The following CCR3 variants were observed in gnomAD, a reference collection of about 807,000 sequenced individuals.
The protein encoded by CCR3 is C-C chemokine receptor type 3.
For missense variants in CCR3, 419 were observed against 437.5 expected (o/e 0.96, Z 0.38); for synonymous variants, 203 against 179.2 (o/e 1.13, Z -1.06).
intron 1 of CCR3, among the ~76,000 whole-genome samples, chr3:46,257,918 A>C (rs1700458679): frequency 6.6e-6 from 1 of 152,200 alleles, no homozygotes; most frequent in South Asian, 2.1e-4. Context: ...GGAGGTGGGT[A>C]GTTGTATAGT....
rs904906727 is a variant in CCR3, at chr3:46,236,366, G to GT, written c.-67-6035dup. Among the ~76,000 whole-genome samples the GT allele has an allele frequency of 4.6e-5, 7 of 152,232 alleles. No individual in the cohort carries two copies. In the South Asian group the frequency reaches 8.3e-4, roughly 18 times the overall value. ...GCTGCTGAGAGCTGCCCTCACCATG[G>GT]TGGTGCATGTGCAAGGCCACATGGG... On this transcript the variant is annotated intron_variant, in intron 2 of 3. Transcript: ENST00000357422.
At chr3:46,221,679 G>T (rs981729183) in intron 2 of CCR3, among the ~76,000 whole-genome samples, 2 of 151,078 alleles carry the variant, frequency 1.3e-5, no homozygotes, top group Non-Finnish European at 3.0e-5. Flanking sequence ...GTTATTCTGC[G>T]GGGTGGGCTA....
In CCR3 at chr3:46,265,950, T is replaced by C; in HGVS notation, c.792T>C (p.Tyr264=). 1 of 1,614,136 alleles carries C rather than the reference T, an allele frequency of 6.2e-7. No homozygotes were observed. The highest frequency in any genetic ancestry group is 8.5e-7 in the Non-Finnish European group (1 of 1,180,012). Residue 264 remains tyrosine (Y), a synonymous_variant, in exon 2 of 2, where the codon TAT becomes TAC. Transcript: ENST00000395940. ...ATGTGGCTATCCTTCTCTCTTCCTATCAATCCATCTTATTTGGAAATGACT... is the reference window on the plus strand; with the variant it reads ...ATGTGGCTATCCTTCTCTCTTCCTACCAATCCATCTTATTTGGAAATGACT... ...PYNVAILLSS[Y]QSILFGNDCE... is the part of the protein sequence containing the mutation.
chr3:46,258,423 T>C (rs575361746), intron 1 of CCR3, among the ~76,000 whole-genome samples: 1 of 152,352 alleles, frequency 6.6e-6, no homozygotes, highest in East Asian at 1.9e-4. Flanking sequence ...TTTAGGATTG[T>C]GATTTTGATC....
Position 46,266,292 on chromosome 3 carries a change from C to A in CCR3, c.*66C>A. The A allele has an allele frequency of 1.0e-6, 1 of 977,738 alleles. No homozygotes were observed. The highest frequency in any genetic ancestry group is 1.6e-6 in the Non-Finnish European group (1 of 641,376). 60.6% of individuals were successfully genotyped at this position (977,738 alleles called of 1,614,324 possible). On this transcript the variant is annotated 3_prime_UTR_variant, in exon 2 of 2. Transcript: ENST00000395940. ...GATGAAGCAAACACATTAAGCCTTC[C>A]ACACTCACCTCTAAAACAGTCCTTC...
At chr3:46,212,225 C>T (rs1215146650) in intron 2 of CCR3, among the ~76,000 whole-genome samples, 5 of 152,174 alleles carry the variant, frequency 3.3e-5, no homozygotes, top group Admixed American at 6.5e-5. Context: ...CTTTTAGGTT[C>T]GGTGGCTACA....
rs774123033 is a variant in CCR3, at chr3:46,265,859, A to G, written c.701A>G (p.Lys234Arg). ...KTLLRCPSKK[K>R]YKAIRLIFVI... ...CTGCTGAGGTGCCCCAGTAAAAAAA[A>G]GTACAAGGCCATCCGGCTCATTTTT... Residue 234 changes from lysine (K) to arginine (R), a missense_variant, in exon 2 of 2, where the codon AAG (lysine) becomes AGG (arginine). Physicochemically the swap from Lys to Arg is conservative, Grantham distance 26 (BLOSUM62 2). Coordinates refer to ENST00000395940, the MANE Select transcript of CCR3 (RefSeq NM_178329.3). The G allele has an allele frequency of 6.2e-7, 1 of 1,614,104 alleles. No homozygotes were observed. Among genetic ancestry groups the G allele is most frequent in the Non-Finnish European group, 8.5e-7 (1 of 1,179,988 alleles).
At chr3:46,231,111 G>C (rs948688214) in intron 2 of CCR3, among the ~76,000 whole-genome samples, 3 of 152,128 alleles carry the variant, frequency 2.0e-5, no homozygotes, top group Admixed American at 2.0e-4. Flanking sequence ...TTTTAGTAGA[G>C]AAGGGGTTTC....
At chr3:46,244,960 A>G (rs1394690004) in intron 1 of CCR3, among the ~76,000 whole-genome samples, 1 of 152,210 alleles carries the variant, frequency 6.6e-6, no homozygotes, top group Non-Finnish European at 1.5e-5. Flanking sequence ...TTTGGAATGT[A>G]TATGCATACT....
chr3:46,246,286 C>T (rs959165814), intron 1 of CCR3, among the ~76,000 whole-genome samples: 27 of 152,104 alleles, frequency 1.8e-4, no homozygotes, highest in African/African-American at 5.8e-4. Flanking sequence ...TATGCGTGTC[C>T]GTGTGAAGAG....
chr3:46,246,902 G>A (rs1416706761), intron 1 of CCR3, among the ~76,000 whole-genome samples: 1 of 151,944 alleles, frequency 6.6e-6, no homozygotes, highest in Admixed American at 6.6e-5. Context: ...GCTGAAGGGA[G>A]GTCTTGTGGT....
At chr3:46,244,460 C>T (rs535014048) in intron 1 of CCR3, among the ~76,000 whole-genome samples, 2 of 152,104 alleles carry the variant, frequency 1.3e-5, no homozygotes, top group East Asian at 1.9e-4. Flanking sequence ...AGGCTGAGTC[C>T]GAAAAGAGTC....
At position 46,265,205 on chromosome 3, in the gene CCR3, A is replaced by G; in HGVS notation, c.47A>G (p.Tyr16Cys). The G allele has an allele frequency of 1.2e-6, 2 of 1,613,946 alleles. No homozygotes were observed. Among genetic ancestry groups the G allele is most frequent in the South Asian group, 2.2e-5 (2 of 91,070 alleles). The change falls in exon 2 of 2, where the codon TAC becomes TGC. Residue 16 changes from tyrosine (Y) to cysteine (C), a missense_variant. Physicochemically the swap from Tyr to Cys is radical, Grantham distance 194. Coordinates refer to ENST00000395940, the MANE Select transcript of CCR3 (RefSeq NM_178329.3). ...DTVETFGTTS[Y>C]YDDVGLLCEK... ...GTTGAGACCTTTGGTACCACATCCT[A>G]CTATGATGACGTGGGCCTGCTCTGT... is the stretch of plus-strand genomic sequence containing the variant.
chr3:46,266,663 GA>G lies in CCR3; in HGVS notation c.*441del, dbSNP rs1236737861. ...GTGCCTAGTTCTTTCCCTGCTTAAT[GA>G]AAAGCTTGTTTTTTCAGTGTGAATA... On this transcript the variant is annotated 3_prime_UTR_variant, in exon 2 of 2. Transcript: ENST00000395940. 5.9e-6 allele frequency: 1 copy of G among 170,860 alleles called. No homozygotes were observed. The highest frequency in any genetic ancestry group is 1.4e-5 in the Non-Finnish European group (1 of 71,004). The allele number at this position is 170,860 out of a possible 1,614,324, so 10.6% of individuals were successfully genotyped here. A position where few individuals can be genotyped will look rare whatever the true frequency, so the allele number is the denominator to read the frequency against.
At chr3:46,222,672 C>T (rs1041138705) in intron 2 of CCR3, among the ~76,000 whole-genome samples, 1 of 152,220 alleles carries the variant, frequency 6.6e-6, no homozygotes, top group Non-Finnish European at 1.5e-5. Flanking sequence ...CTCCAGCACA[C>T]CAGACCTGGC....
At chr3:46,264,465 A>G (rs981639705) in intron 1 of CCR3, 7 of 1,512,000 alleles carry the variant, frequency 4.6e-6, no homozygotes, top group Non-Finnish European at 6.2e-6. Flanking sequence ...AGTCCGTAGC[A>G]AATTTTTCAA....
At chr3:46,217,048 G>A (rs1395651126) in intron 2 of CCR3, among the ~76,000 whole-genome samples, 1 of 152,054 alleles carries the variant, frequency 6.6e-6, no homozygotes, top group African/African-American at 2.4e-5. Flanking sequence ...TCACTTAAAA[G>A]AAATAGAATG....
intron 1 of CCR3, among the ~76,000 whole-genome samples, chr3:46,248,602 T>C (rs571465226): frequency 6.6e-6 from 1 of 152,086 alleles, no homozygotes; most frequent in Non-Finnish European, 1.5e-5. Context: ...TTTATGAGAA[T>C]TATGCCGAGA....
chr3:46,211,501 G>A (rs1197485834), intron 2 of CCR3, among the ~76,000 whole-genome samples: 6 of 151,996 alleles, frequency 3.9e-5, no homozygotes, highest in East Asian at 1.9e-4. Context: ...TGGGATTACA[G>A]GTGTGACCTG....
Sources: allele counts gnomAD v4.1 joint callset (sites outside exome capture counted in the v4.1 genomes callset), GRCh38; gene constraint gnomAD v4.1.1; transcripts MANE v1.5; gene names NCBI Gene and HGNC (gene_info 2026-07-23, HGNC 2026-07-21).